The following GPC6 variants were observed in gnomAD, a reference collection of about 807,000 sequenced individuals.
GPC6 encodes glypican 6, also known as glypican-6.
Under a neutral mutation model 55.2 loss-of-function variants are expected in GPC6, and 14 were observed. The observed-to-expected ratio is 0.25, with a 90% confidence interval of 0.17 to 0.40. GPC6 has a LOEUF of 0.40. Ranked by LOEUF, GPC6 falls within the 10% of genes least tolerant of loss-of-function variation. GPC6 has a pLI of 1.00. For synonymous variants in GPC6, 278 were observed against 259.6 expected (o/e 1.07, Z -0.68); for missense variants, 641 against 708.5 (o/e 0.90, Z 1.08).
intron 3 of GPC6, among the ~76,000 whole-genome samples, chr13:93,931,234 AGTGAAGGTGGGAGACTG>A (rs992081316): frequency 3.9e-5 from 6 of 152,086 alleles, no homozygotes; most frequent in Non-Finnish European, 8.8e-5. Flanking sequence ...TCAGATTTGC[AGTGAAGGTGGGAGACTG>A]GTGATCAGAA....
chr13:93,585,141 C>T (rs755602694), intron 2 of GPC6, among the ~76,000 whole-genome samples: 2 of 152,210 alleles, frequency 1.3e-5, no homozygotes, highest in East Asian at 1.9e-4. Context: ...TTGTGACAAC[C>T]GATATGTGAT....
chr13:94,104,932 T>C (rs943801798), intron 4 of GPC6, among the ~76,000 whole-genome samples: 5 of 152,224 alleles, frequency 3.3e-5, no homozygotes, highest in South Asian at 2.1e-4. Context: ...CATCAAGCTA[T>C]CAATGACTTT....
intron 2 of GPC6, among the ~76,000 whole-genome samples, chr13:93,746,840 C>A (rs1265932696): frequency 6.6e-6 from 1 of 152,172 alleles, no homozygotes; most frequent in Non-Finnish European, 1.5e-5. Context: ...GGAATCTGGA[C>A]CAATGCTCTG....
intron 2 of GPC6, among the ~76,000 whole-genome samples, chr13:93,675,093 C>A (rs1471027505): frequency 6.6e-6 from 1 of 152,098 alleles, no homozygotes; most frequent in East Asian, 1.9e-4. Flanking sequence ...TTGGTCCTAA[C>A]TGTAAATGTG....
At chr13:93,231,361 G>GTATATATATATATATATATA (rs1229841914) in intron 1 of GPC6, among the ~76,000 whole-genome samples, 1 of 86,214 alleles carries the variant, frequency 1.2e-5, no homozygotes, top group Non-Finnish European at 2.3e-5. Context: ...ATATATATAC[G>GTATATATATATATATATATA]TATATATATA....
intron 4 of GPC6, among the ~76,000 whole-genome samples, chr13:94,164,841 T>C (rs1209051258): frequency 1.3e-5 from 2 of 152,166 alleles, no homozygotes; most frequent in African/African-American, 4.8e-5. Flanking sequence ...TCTGGAAATA[T>C]AGTGAAACAT....
Position 93,928,843 on chromosome 13 carries a change from G to C in GPC6, c.711+98298G>C, listed in dbSNP as rs114526298. Reference sequence around the variant, plus strand: ...TATCCCGAGAGAGGGCTTTCTGTTTGATCCCTGTGTGTTACACACACACAC... The same window carrying C: ...TATCCCGAGAGAGGGCTTTCTGTTTCATCCCTGTGTGTTACACACACACAC... On this transcript the variant is annotated intron_variant, in intron 3 of 8. Coordinates refer to ENST00000377047, the MANE Select transcript of GPC6 (RefSeq NM_005708.5). 3.9e-3 allele frequency among the ~76,000 whole-genome samples: 522 copies of C among 134,046 alleles called. 5 individuals are homozygous for C. Among genetic ancestry groups the C allele is most frequent in the African/African-American group, 0.015 (508 of 34,338 alleles). The allele number at this position is 134,046 out of a possible 152,430, so 87.9% of individuals were successfully genotyped here.
chr13:93,555,543 A>T (rs553425488), intron 2 of GPC6, among the ~76,000 whole-genome samples: 1 of 152,308 alleles, frequency 6.6e-6, no homozygotes, highest in South Asian at 2.1e-4. Flanking sequence ...AGGGTCCATA[A>T]ACCTGGAATT....
chr13:93,642,551 T>C (rs1879997709), intron 2 of GPC6, among the ~76,000 whole-genome samples: 1 of 152,138 alleles, frequency 6.6e-6, no homozygotes, highest in Admixed American at 6.6e-5. Flanking sequence ...GTTCAACCCT[T>C]AGTTCTTTGA....
At chr13:93,284,509 C>A (rs889175838) in intron 1 of GPC6, among the ~76,000 whole-genome samples, 1 of 152,118 alleles carries the variant, frequency 6.6e-6, no homozygotes, top group African/African-American at 2.4e-5. Flanking sequence ...TATTCACTTG[C>A]AGTATTGTCA....
intron 2 of GPC6, among the ~76,000 whole-genome samples, chr13:93,573,924 A>G (rs1876536183): frequency 6.6e-6 from 1 of 152,164 alleles, no homozygotes; most frequent in Admixed American, 6.6e-5. Flanking sequence ...GAGATCGTAA[A>G]TGTCCTCTAA....
At chr13:93,489,421 T>A (rs1318883876) in intron 1 of GPC6, among the ~76,000 whole-genome samples, 1 of 151,462 alleles carries the variant, frequency 6.6e-6, no homozygotes, top group Non-Finnish European at 1.5e-5. Flanking sequence ...TCCAGCTTTG[T>A]TCTTTTGGCT....
chr13:94,324,941 G>T (rs1877035957), intron 6 of GPC6, among the ~76,000 whole-genome samples: 2 of 152,166 alleles, frequency 1.3e-5, no homozygotes, highest in African/African-American at 4.8e-5. Context: ...TGTTTCTCTT[G>T]AAGAGACTCC....
chr13:93,624,935 T>C (rs999644885), intron 2 of GPC6, among the ~76,000 whole-genome samples: 26 of 152,200 alleles, frequency 1.7e-4, no homozygotes, highest in African/African-American at 6.0e-4. Context: ...CTAGGAAATA[T>C]GTGGAAGGAA....
chr13:93,843,798 T>C (rs187428340), intron 3 of GPC6, among the ~76,000 whole-genome samples: 2 of 152,304 alleles, frequency 1.3e-5, no homozygotes, highest in Admixed American at 6.5e-5. Context: ...TGAACACTCC[T>C]GGAGTTGGCC....
At position 93,491,959 on chromosome 13, in the gene GPC6, C is replaced by T. The variant is rs1209809661; in HGVS notation, c.161-53304C>T. ...TAGTTTGAAGTCAGGTAGTGTGATGCCTCCAGCTTTGTTCTTTTGGCTTAG... is the reference window on the plus strand; with the variant it reads ...TAGTTTGAAGTCAGGTAGTGTGATGTCTCCAGCTTTGTTCTTTTGGCTTAG... On this transcript the variant is annotated intron_variant, in intron 1 of 8. Coordinates refer to ENST00000377047, the MANE Select transcript of GPC6 (RefSeq NM_005708.5). Among the ~76,000 whole-genome samples the T allele has an allele frequency of 6.9e-4, 84 of 121,488 alleles. 1 individual carries two copies. The highest frequency in any genetic ancestry group is 9.5e-4 in the Non-Finnish European group (54 of 56,970). 79.7% of individuals were successfully genotyped at this position (121,488 alleles called of 152,430 possible). A position where few individuals can be genotyped will look rare whatever the true frequency, so the allele number is the denominator to read the frequency against.
At chr13:93,934,817 G>A (rs1207667296) in intron 3 of GPC6, among the ~76,000 whole-genome samples, 1 of 144,212 alleles carries the variant, frequency 6.9e-6, no homozygotes, top group Admixed American at 7.0e-5. Context: ...TCATCTGAAT[G>A]TTTTATATAA....
At chr13:94,153,702 G>T (rs953702376) in intron 4 of GPC6, among the ~76,000 whole-genome samples, 1 of 152,306 alleles carries the variant, frequency 6.6e-6, no homozygotes, top group East Asian at 1.9e-4. Context: ...TGTGGACTAG[G>T]TTCTTGCCAC....
chr13:93,355,038 C>A (rs1039399164), intron 1 of GPC6, among the ~76,000 whole-genome samples: 2 of 152,174 alleles, frequency 1.3e-5, no homozygotes, highest in African/African-American at 4.8e-5. Flanking sequence ...TATAAGGAGT[C>A]ATTGACTCCA....
Sources: gnomAD v4.1 joint callset for allele counts (sites outside exome capture counted in the v4.1 genomes callset) on GRCh38, gnomAD v4.1.1 for gene constraint, MANE v1.5 for transcripts, NCBI Gene and HGNC (gene_info 2026-07-23, HGNC 2026-07-21) for gene names.